Variants in BANK1 observed in about 807,000 individuals in gnomAD.
BANK1 encodes B cell scaffold protein with ankyrin repeats 1.
A neutral mutation model predicts 94.5 loss-of-function variants in BANK1; 95 were observed. The observed-to-expected ratio is 1.00, with a 90% CI of 0.85 to 1.19. The LOEUF is 1.19. BANK1 is among the 50% of genes most tolerant of loss of function. The pLI is 0.00. For missense variants in BANK1, 987 were observed against 932.2 expected (o/e 1.06, Z -0.77); for synonymous variants, 334 against 308.4 (o/e 1.08, Z -0.87).
At position 101,829,990 on chromosome 4, in the gene BANK1, T is replaced by C. The variant is rs1439450388; in HGVS notation, c.253T>C (p.Leu85=). The change falls in exon 2 of 17, where the codon TTA becomes CTA. Residue 85 remains leucine (L), a synonymous_variant. Transcript: ENST00000322953. ...GTCTTACAAATGTAAACTTTTGATA[T>C]TATCAAATAGCCTGCTTAGAGACCT... is the stretch of plus-strand genomic sequence containing the variant. ...LTSYKCKLLI[L]SNSLLRDLTP... The C allele has an allele frequency of 2.5e-6, 4 of 1,612,970 alleles. No homozygotes were observed. Among genetic ancestry groups the C allele is most frequent in the East Asian group, 2.2e-5 (1 of 44,820 alleles).
intron 5 of BANK1, among the ~76,000 whole-genome samples, chr4:101,882,620 AT>A (rs1362281777): frequency 6.6e-6 from 1 of 152,206 alleles, no homozygotes; most frequent in African/African-American, 2.4e-5. Flanking sequence ...CAAGAGTTAG[AT>A]TCTTTTACTA....
chr4:102,027,593 G>A (rs780324731), intron 9 of BANK1, among the ~76,000 whole-genome samples: 2 of 150,054 alleles, frequency 1.3e-5, no homozygotes, highest in Non-Finnish European at 3.0e-5. Flanking sequence ...GACTTTGTAT[G>A]TCTTTGACTT....
intron 7 of BANK1, among the ~76,000 whole-genome samples, chr4:101,971,099 T>G (rs1228600681): frequency 2.6e-5 from 4 of 152,120 alleles, no homozygotes; most frequent in African/African-American, 9.7e-5. Context: ...GCAAGAAATA[T>G]AGCATAACTT....
At chr4:101,961,307 G>A (rs1023153973) in intron 7 of BANK1, among the ~76,000 whole-genome samples, 2 of 152,128 alleles carry the variant, frequency 1.3e-5, no homozygotes, top group Non-Finnish European at 2.9e-5. Flanking sequence ...GGAAAAGTTA[G>A]CGTCAGCCAT....
intron 3 of BANK1, among the ~76,000 whole-genome samples, chr4:101,858,398 A>G (rs903224576): frequency 1.7e-4 from 26 of 152,240 alleles, no homozygotes; most frequent in African/African-American, 6.3e-4. Flanking sequence ...TGTGATCCCT[A>G]GTCACAGATT....
chr4:101,922,736 T>C (rs1481715538), intron 7 of BANK1, among the ~76,000 whole-genome samples: 1 of 151,894 alleles, frequency 6.6e-6, no homozygotes, highest in Non-Finnish European at 1.5e-5. Flanking sequence ...CTGGCTTTTA[T>C]TCAATATTGA....
At chr4:101,886,903 C>T (rs1406155453) in intron 5 of BANK1, among the ~76,000 whole-genome samples, 4 of 152,070 alleles carry the variant, frequency 2.6e-5, no homozygotes, top group African/African-American at 7.2e-5. Flanking sequence ...GGATGCTAGT[C>T]GTTCCCCAGT....
chr4:102,007,120 T>TATA (rs1301827687), intron 7 of BANK1, among the ~76,000 whole-genome samples: 1 of 35,292 alleles, frequency 2.8e-5, no homozygotes, highest in African/African-American at 7.9e-5. Flanking sequence ...TAAATATATA[T>TATA]TTTATATATA....
chr4:101,804,603 C>A (rs1166772511), intron 1 of BANK1, among the ~76,000 whole-genome samples: 2 of 152,088 alleles, frequency 1.3e-5, no homozygotes, highest in African/African-American at 4.8e-5. Context: ...CAGTTGCCCA[C>A]CATTTCAAAT....
chr4:102,010,309 A>G (rs1000007626), intron 7 of BANK1, among the ~76,000 whole-genome samples: 1 of 151,976 alleles, frequency 6.6e-6, no homozygotes, highest in East Asian at 1.9e-4. Flanking sequence ...AAAACAATTG[A>G]AGTCCTTTTA....
intron 7 of BANK1, among the ~76,000 whole-genome samples, chr4:101,924,013 C>G (rs928486120): frequency 2.0e-5 from 3 of 151,660 alleles, no homozygotes; most frequent in Non-Finnish European, 4.4e-5. Context: ...CCTACTCATA[C>G]TGTAAGAAAA....
chr4:101,821,303 C>CT (rs1405976226), intron 1 of BANK1, among the ~76,000 whole-genome samples: 1 of 151,848 alleles, frequency 6.6e-6, no homozygotes, highest in Non-Finnish European at 1.5e-5. Flanking sequence ...GAGTTGTTTG[C>CT]TTTTTTCTCT....
chr4:101,937,041 A>G (rs1723590164), intron 7 of BANK1, among the ~76,000 whole-genome samples: 1 of 151,674 alleles, frequency 6.6e-6, no homozygotes, highest in Admixed American at 6.6e-5. Context: ...CAATATTTGG[A>G]AGCTACCTAA....
At chr4:101,939,634 A>C (rs554891230) in intron 7 of BANK1, among the ~76,000 whole-genome samples, 1 of 151,794 alleles carries the variant, frequency 6.6e-6, no homozygotes, top group Admixed American at 6.6e-5. Context: ...CTCACAAATC[A>C]TTGGCCTAAA....
rs532185206 is a variant in BANK1, at chr4:101,799,071, C to T, written c.70+8121C>T. ...TCCTGAATGGTATTGCCTAGGTTTT[C>T]TTCTCAGGTTTTTACGGTTTTAGGT... On this transcript the variant is annotated intron_variant, in intron 1 of 16. Coordinates refer to ENST00000322953, the MANE Select transcript of BANK1 (RefSeq NM_017935.5). Among the ~76,000 whole-genome samples the T allele has an allele frequency of 2.0e-5, 3 of 152,222 alleles. No individual in the cohort carries two copies. In the South Asian group the frequency reaches 6.2e-4, roughly 32 times the overall value.
intron 1 of BANK1, among the ~76,000 whole-genome samples, chr4:101,800,824 C>G (rs1169804552): frequency 6.6e-6 from 1 of 152,232 alleles, no homozygotes; most frequent in Non-Finnish European, 1.5e-5. Context: ...ATGGTACAAT[C>G]TCAGCTCACT....
At chr4:102,015,776 G>A (rs1046069322) in intron 7 of BANK1, among the ~76,000 whole-genome samples, 4 of 152,098 alleles carry the variant, frequency 2.6e-5, no homozygotes, top group Non-Finnish European at 4.4e-5. Flanking sequence ...GCATTCTCCA[G>A]TAAATATTTT....
intron 7 of BANK1, among the ~76,000 whole-genome samples, chr4:101,944,724 G>A (rs1057068984): frequency 1.3e-5 from 2 of 151,952 alleles, no homozygotes; most frequent in Non-Finnish European, 2.9e-5. Flanking sequence ...AGAGCCAGCA[G>A]GTTTTGTTGA....
At chr4:101,986,403 C>T (rs1366627973) in intron 7 of BANK1, among the ~76,000 whole-genome samples, 1 of 152,050 alleles carries the variant, frequency 6.6e-6, no homozygotes, top group African/African-American at 2.4e-5. Context: ...CCTCCCTCTT[C>T]ATGAAATAAC....
Sources: allele counts gnomAD v4.1 joint callset (sites outside exome capture counted in the v4.1 genomes callset), GRCh38; gene constraint gnomAD v4.1.1; transcripts MANE v1.5; gene names NCBI Gene and HGNC (gene_info 2026-07-23, HGNC 2026-07-21).